SCUBE1: variants seen among roughly 807,000 people sequenced by gnomAD.
SCUBE1 encodes signal peptide, CUB and EGF-like domain-containing protein 1.
SCUBE1 carries 59 observed loss-of-function variants against 124.4 expected under a neutral mutation model. The observed-to-expected ratio is 0.47, with a 90% CI of 0.38 to 0.59. The LOEUF is 0.59. Ranked by LOEUF, SCUBE1 falls within the 20% of genes least tolerant of loss-of-function variation. The pLI is 0.00. For missense variants in SCUBE1, 1,150 were observed against 1,371.2 expected, an observed-to-expected ratio of 0.84 and a Z score of 2.55; for synonymous variants, 545 against 550.9, an observed-to-expected ratio of 0.99 and a Z score of 0.15.
At chr22:43,305,389 G>C (rs534018344) in intron 3 of SCUBE1, among the ~76,000 whole-genome samples, 22 of 152,362 alleles carry the variant, frequency 1.4e-4, no homozygotes, top group African/African-American at 5.3e-4. Context: ...TGGCAGGCCT[G>C]AGAGTTGGCA....
intron 3 of SCUBE1, among the ~76,000 whole-genome samples, chr22:43,307,038 C>T (rs1925995768): frequency 6.6e-6 from 1 of 152,252 alleles, no homozygotes; most frequent in African/African-American, 2.4e-5. Context: ...CGTTACCCTG[C>T]CACCCGCCCA....
Position 43,239,701 on chromosome 22 carries a change from C to G in SCUBE1, c.728-747G>C, listed in dbSNP as rs113698047. ...GCACACCAGGATGCTGGGGGCTGGT[C>G]CAGCCCTTGGGTCTCTGCCACCTGG... On this transcript the variant is annotated intron_variant, in intron 6 of 21. Transcript: ENST00000360835. Among the ~76,000 whole-genome samples, 126 of 152,370 alleles carry G rather than the reference C, an allele frequency of 8.3e-4. 1 individual carries two copies. Among genetic ancestry groups the G allele is most frequent in the African/African-American group, 2.3e-3 (96 of 41,592 alleles).
chr22:43,233,256 C>T lies in SCUBE1; in HGVS notation c.845-1381G>A, dbSNP rs148059373. Among the ~76,000 whole-genome samples the T allele has an allele frequency of 7.4e-4, 113 of 152,302 alleles. 1 individual carries two copies. Among genetic ancestry groups the T allele is most frequent in the South Asian group, 5.0e-3 (24 of 4,822 alleles). On this transcript the variant is annotated intron_variant, in intron 7 of 21. Transcript: ENST00000360835. ...GCGCATGCCTGTAATCCCAGCTACC[C>T]GGGAAGCTGAGGCAGGAGAATCGCT... is the stretch of plus-strand genomic sequence containing the variant.
At chr22:43,293,920 ACTC>A (rs2146755204) in intron 3 of SCUBE1, among the ~76,000 whole-genome samples, 1 of 152,122 alleles carries the variant, frequency 6.6e-6, no homozygotes, top group East Asian at 1.9e-4. Context: ...TGGCCTGGCC[ACTC>A]CTCACCTCAC....
chr22:43,317,679 C>T (rs771166495), intron 3 of SCUBE1, among the ~76,000 whole-genome samples: 2 of 152,208 alleles, frequency 1.3e-5, no homozygotes, highest in African/African-American at 4.8e-5. Flanking sequence ...TTGAGAGCCA[C>T]GTGTTTCCCA....
intron 4 of SCUBE1, among the ~76,000 whole-genome samples, chr22:43,273,684 T>C (rs2146724609): frequency 6.9e-6 from 1 of 144,786 alleles, no homozygotes; most frequent in East Asian, 2.1e-4. Flanking sequence ...GCAATCCTCC[T>C]GCCTCAGCCT....
intron 15 of SCUBE1, among the ~76,000 whole-genome samples, chr22:43,217,554 C>CG (rs2146663743): frequency 6.6e-6 from 1 of 152,304 alleles, no homozygotes; most frequent in African/African-American, 2.4e-5. Context: ...CATGAGCCTG[C>CG]GTCCTTGCTC....
At chr22:43,214,892 C>T (rs1921742296) in intron 15 of SCUBE1, among the ~76,000 whole-genome samples, 1 of 152,136 alleles carries the variant, frequency 6.6e-6, no homozygotes. Flanking sequence ...AAGATGCTTA[C>T]AAATGCGGAA....
intron 10 of SCUBE1, among the ~76,000 whole-genome samples, chr22:43,223,639 T>C (rs5759222): frequency 0.093 from 14,121 of 152,254 alleles, 983 homozygotes; most frequent in East Asian, 0.39. Flanking sequence ...ATCAGGTGTC[T>C]GGAGAAACAG....
intron 6 of SCUBE1, among the ~76,000 whole-genome samples, chr22:43,250,442 A>G (rs763776874): frequency 6.6e-6 from 1 of 152,220 alleles, no homozygotes. Flanking sequence ...CAGGCCAGGC[A>G]CTGCTTCTTG....
intron 12 of SCUBE1, 109 bp downstream of exon 12, chr22:43,222,529 G>T: frequency 1.2e-6 from 1 of 838,392 alleles, no homozygotes; most frequent in Non-Finnish European, 1.9e-6. Context: ...GCAGGGCCGA[G>T]AGCAGGAAGG....
chr22:43,261,558 A>T (rs1271802482), intron 5 of SCUBE1, among the ~76,000 whole-genome samples: 1 of 152,212 alleles, frequency 6.6e-6, no homozygotes, highest in Non-Finnish European at 1.5e-5. Flanking sequence ...AACTGAGAGG[A>T]TCAGTGACTG....
At chr22:43,208,469 TC>T (rs1256244717) in intron 19 of SCUBE1, among the ~76,000 whole-genome samples, 1 of 151,924 alleles carries the variant, frequency 6.6e-6, no homozygotes, top group South Asian at 2.1e-4. Context: ...TCCCTGACTC[TC>T]CCCCCATCCC....
At position 43,223,184 on chromosome 22, in the gene SCUBE1, A is replaced by G; in HGVS notation, c.1240T>C (p.Ser414Pro). 6.4e-7 allele frequency: 1 copy of G among 1,570,616 alleles called. No individual in the cohort carries two copies. Among genetic ancestry groups the G allele is most frequent in the Non-Finnish European group, 8.6e-7 (1 of 1,167,212 alleles). Residue 414 changes from serine to proline, a missense_variant, in exon 11 of 22, where the codon TCC becomes CCC. Transcript: ENST00000360835. Reference sequence around the variant, plus strand: ...CTGCAGGACAGCTGGGCCCGGGGGGAGGTCTTGGCGCGAGAAAGACACTTG... The same window carrying G: ...CTGCAGGACAGCTGGGCCCGGGGGGGGGTCTTGGCGCGAGAAAGACACTTG... ...TGKCLSRAKT[S>P]PRAQLSCSKA...
chr22:43,235,958 C>T (rs748088928), intron 7 of SCUBE1, among the ~76,000 whole-genome samples: 2 of 152,192 alleles, frequency 1.3e-5, no homozygotes, highest in Non-Finnish European at 2.9e-5. Context: ...TCCCAACTCT[C>T]CCAACCCTGC....
chr22:43,323,916 C>G (rs892238986), intron 2 of SCUBE1, among the ~76,000 whole-genome samples: 2 of 152,150 alleles, frequency 1.3e-5, no homozygotes, highest in African/African-American at 4.8e-5. Flanking sequence ...TACAAAAACA[C>G]ATTTGATAAC....
At chr22:43,267,486 C>T (rs1318250865) in intron 4 of SCUBE1, among the ~76,000 whole-genome samples, 1 of 152,200 alleles carries the variant, frequency 6.6e-6, no homozygotes, top group Non-Finnish European at 1.5e-5. Context: ...GCTTCGGATG[C>T]CTGATGTGGG....
At chr22:43,232,200 A>C in intron 7 of SCUBE1, 1 of 290,728 alleles carries the variant, frequency 3.4e-6, no homozygotes. Flanking sequence ...AGGGACAGCG[A>C]CTCTCCCATG....
At chr22:43,283,637 TATGTCATAAATG>T (rs1285553049) in intron 4 of SCUBE1, 1 of 152,150 alleles carries the variant, frequency 6.6e-6, no homozygotes, top group Non-Finnish European at 1.5e-5. Flanking sequence ...TGTGGATCCG[TATGTCATAAATG>T]GCGTGGAGCC....
Sources: allele counts gnomAD v4.1 joint callset (sites outside exome capture counted in the v4.1 genomes callset), GRCh38; gene constraint gnomAD v4.1.1; transcripts MANE v1.5; gene names NCBI Gene and HGNC (gene_info 2026-07-23, HGNC 2026-07-21).